The following FAAH variants were observed in gnomAD, a reference collection of about 807,000 sequenced individuals.
FAAH encodes fatty acid amide hydrolase.
In FAAH, 63 loss-of-function variants were observed where a neutral mutation model predicts 69.7. The ratio of observed to expected loss-of-function variants is 0.90; its 90% CI spans 0.74 to 1.12. FAAH has a LOEUF of 1.12. FAAH is among the 50% of genes most tolerant of loss of function. The probability of loss-of-function intolerance (pLI) is 0.00; values close to 1 mark genes in which losing one functional copy is unlikely to be tolerated. For missense variants in FAAH, 680 were observed against 755.0 expected (o/e 0.90, Z 1.16); for synonymous variants, 305 against 324.2 (o/e 0.94, Z 0.64).
intron 2 of FAAH, 81 bp downstream of exon 2, chr1:46,402,285 C>T: frequency 4.1e-6 from 5 of 1,213,856 alleles, no homozygotes; most frequent in Non-Finnish European, 5.9e-6. Context: ...CTCCCTCTGT[C>T]CGCACAGGCT....
Position 46,405,539 on chromosome 1 carries a change from G to A in FAAH, c.578+34G>A, listed in dbSNP as rs201289791. 2.8e-5 allele frequency: 45 copies of A among 1,612,966 alleles called. 1 individual carries two copies. The Middle Eastern group carries it at 2.5e-3, about 89-fold the overall frequency. ...TTGGGGTGGGGCGGGGCGGGGCAGG[G>A]GCACCGGTCCCAGCATGGCACGGGC... On this transcript the variant is annotated intron_variant, in intron 4 of 14. Transcript: ENST00000243167. The surrounding 1 kb of genome is among the most constrained non-coding windows in gnomAD (Gnocchi z 4.1).
At chr1:46,408,694 C>T (rs1003433046) in intron 8 of FAAH, 110 bp downstream of exon 8, 30 of 1,550,318 alleles carry the variant, frequency 1.9e-5, no homozygotes, top group Non-Finnish European at 2.6e-5. Context: ...ACGATGTTGT[C>T]GTCGGGGTGA....
At position 46,413,443 on chromosome 1, in the gene FAAH, A is replaced by G. The variant is rs1469375976; in HGVS notation, c.1612-4A>G. 1.1e-5 allele frequency: 18 copies of G among 1,613,930 alleles called. No individual in the cohort carries two copies. Among genetic ancestry groups the G allele is most frequent in the African/African-American group, 2.7e-5 (2 of 74,868 alleles). On this transcript the variant is annotated splice_region_variant and splice_polypyrimidine_tract_variant and intron_variant, in intron 14 of 14. Coordinates refer to ENST00000243167, the MANE Select transcript of FAAH (RefSeq NM_001441.3). ...CCCTATCCTGATGCCTGTATCCCCT[A>G]TAGGGCATGAAGAAGAGTGTGGGGC...
At chr1:46,407,069 T>G (rs1323731085) in intron 7 of FAAH, among the ~76,000 whole-genome samples, 5 of 151,706 alleles carry the variant, frequency 3.3e-5, no homozygotes, top group African/African-American at 7.2e-5. Flanking sequence ...CCCCAGCTCA[T>G]GTAGCCTGTT....
chr1:46,406,291 C>G lies in FAAH; in HGVS notation c.874C>G (p.Leu292Val), dbSNP rs199695123. 1.9e-6 allele frequency: 3 copies of G among 1,613,844 alleles called. No individual in the cohort carries two copies. The African/African-American group carries it at 4.0e-5, about 21-fold the overall frequency. ...PMARDVESLA[L>V]CLRALLCEDM... ...GGCCCGGGACGTGGAGAGCCTGGCA[C>G]TGTGCCTGCGAGCCCTGCTGTGTGA... Residue 292 changes from leucine (L) to valine (V), a missense_variant, in exon 7 of 15, where the codon CTG becomes GTG. Transcript: ENST00000243167.
At chr1:46,408,359 G>C (rs147161538) in intron 7 of FAAH, 100 bp from the exon 8 acceptor site, 10 of 1,537,708 alleles carry the variant, frequency 6.5e-6, no homozygotes, top group Middle Eastern at 1.7e-4. Context: ...CTGCAGCCTC[G>C]CAGCTGTGTC....
intron 1 of FAAH, among the ~76,000 whole-genome samples, chr1:46,398,134 C>T (rs1031770876): frequency 6.6e-6 from 1 of 152,088 alleles, no homozygotes; most frequent in Non-Finnish European, 1.5e-5. Flanking sequence ...GGGATTTCAC[C>T]ATCTTGGCCA....
In FAAH at chr1:46,413,158, G is replaced by A; in HGVS notation, c.1549G>A (p.Glu517Lys). 5 of 1,614,156 alleles carry A rather than the reference G, an allele frequency of 3.1e-6. No homozygotes were observed. The highest frequency in any genetic ancestry group is 4.2e-6 in the Non-Finnish European group (5 of 1,180,018). ...VPVTTVTAEDEAQMEHYRGYF... is the reference protein window; with the variant it reads ...VPVTTVTAEDKAQMEHYRGYF... ...TGTCACCACGGTGACTGCTGAGGAC[G>A]AGGCCCAGATGGAACATTACAGGGG... The change falls in exon 14 of 15, where the codon GAG becomes AAG. Residue 517 changes from glutamate (E) to lysine (K), a missense_variant. Coordinates refer to ENST00000243167, the MANE Select transcript of FAAH (RefSeq NM_001441.3).
Position 46,402,173 on chromosome 1 carries a change from C to T in FAAH, c.278C>T (p.Pro93Leu), listed in dbSNP as rs1282211154. ...AAGTTACACAGTAGAGAGCTGGCCC[C>T]TGAGGCCGTGCTCTTCACCTATGTG... is the stretch of plus-strand genomic sequence containing the variant. ...VQKLHSRELA[P>L]EAVLFTYVGK... is the part of the protein sequence containing the mutation. Residue 93 changes from proline (P) to leucine (L), a missense_variant, in exon 2 of 15, where the codon CCT becomes CTT. Coordinates refer to ENST00000243167, the MANE Select transcript of FAAH (RefSeq NM_001441.3). 1 of 1,606,892 alleles carries T rather than the reference C, an allele frequency of 6.2e-7. No individual in the cohort carries two copies. Among genetic ancestry groups the T allele is most frequent in the South Asian group, 1.1e-5 (1 of 89,630 alleles).
In FAAH at chr1:46,413,133, TGTCACCACG is replaced by T; in HGVS notation, c.1527_1535del (p.Thr511_Thr513del). On this transcript the variant is annotated inframe_deletion, in exon 14 of 15. Coordinates refer to ENST00000243167, the MANE Select transcript of FAAH (RefSeq NM_001441.3). ...TGGACTTCCCTGCAGGGGTGGTGCC[TGTCACCACG>T]GTGACTGCTGAGGACGAGGCCCAGA... 1 of 1,614,166 alleles carries T rather than the reference TGTCACCACG, an allele frequency of 6.2e-7. No homozygotes were observed. The highest frequency in any genetic ancestry group is 1.7e-5 in the Admixed American group (1 of 60,030).
Position 46,411,794 on chromosome 1 carries a change from C to T in FAAH, c.1356+143C>T. 1.1e-6 allele frequency: 1 copy of T among 902,094 alleles called. No individual in the cohort carries two copies. The highest frequency in any genetic ancestry group is 1.7e-6 in the Non-Finnish European group (1 of 573,402). The allele number at this position is 902,094 out of a possible 1,614,324, so 55.9% of individuals were successfully genotyped here. ...CATCCCCCTTCCACTCCCTGGACCACCACTTGGGCCCAGCTCTCTGACCCT... is the reference window on the plus strand; with the variant it reads ...CATCCCCCTTCCACTCCCTGGACCATCACTTGGGCCCAGCTCTCTGACCCT... On this transcript the variant is annotated intron_variant, in intron 12 of 14. Transcript: ENST00000243167. This position sits in a 1 kb window ranked among gnomAD's most constrained non-coding sequence, Gnocchi z 4.8.
At position 46,405,428 on chromosome 1, in the gene FAAH, C is replaced by T; in HGVS notation, c.501C>T (p.Asp167=). 6.2e-7 allele frequency: 1 copy of T among 1,613,018 alleles called. No individual in the cohort carries two copies. The highest frequency in any genetic ancestry group is 8.5e-7 in the Non-Finnish European group (1 of 1,179,994). ...ATGAAGGGGTGCCGGCGGAGTGCGACAGCGTAGTGGTGCATGTGCTGAAGC... is the reference window on the plus strand; with the variant it reads ...ATGAAGGGGTGCCGGCGGAGTGCGATAGCGTAGTGGTGCATGTGCTGAAGC... ...SLNEGVPAEC[D]SVVVHVLKLQ... Residue 167 remains aspartate (D), a synonymous_variant, in exon 4 of 15, where the codon GAC becomes GAT. Coordinates refer to ENST00000243167, the MANE Select transcript of FAAH (RefSeq NM_001441.3). The surrounding 1 kb of genome is among the most constrained non-coding windows in gnomAD (Gnocchi z 4.1).
At chr1:46,408,397 A>G in intron 7 of FAAH, 62 bp from the exon 8 acceptor site, 1 of 1,611,886 alleles carries the variant, frequency 6.2e-7, no homozygotes, top group South Asian at 1.1e-5. Flanking sequence ...TCTGATCTCT[A>G]GGGGTCCTGC....
At chr1:46,406,212 C>T in intron 6 of FAAH, 32 bp from the exon 7 acceptor site, 2 of 1,614,046 alleles carry the variant, frequency 1.2e-6, no homozygotes, top group Non-Finnish European at 8.5e-7. Flanking sequence ...CGCTCCTTGT[C>T]TGCTTACCTC....
At chr1:46,398,539 C>CTTTTT (rs549332217) in intron 1 of FAAH, among the ~76,000 whole-genome samples, 2,337 of 144,816 alleles carry the variant, frequency 0.016, 47 homozygotes, top group African/African-American at 0.038. Flanking sequence ...AACCAAGATT[C>CTTTTT]TTTTTTTTTT....
chr1:46,406,654 C>T lies in FAAH; in HGVS notation c.951+286C>T, dbSNP rs144284371. Among the ~76,000 whole-genome samples the T allele has an allele frequency of 5.1e-3, 752 of 146,570 alleles. 8 individuals carry two copies. The highest frequency in any genetic ancestry group is 0.017 in the African/African-American group (652 of 39,494). On this transcript the variant is annotated intron_variant, in intron 7 of 14. Coordinates refer to ENST00000243167, the MANE Select transcript of FAAH (RefSeq NM_001441.3). ...CTGGAGTGCAGTGGCGCGATCTCGG[C>T]TCACTGCAAGCTCCGCCTCCCGGGT...
intron 1 of FAAH, among the ~76,000 whole-genome samples, chr1:46,397,357 G>A (rs1016432178): frequency 6.6e-6 from 1 of 152,214 alleles, no homozygotes; most frequent in Non-Finnish European, 1.5e-5. Context: ...TGGAGCAACT[G>A]CTCTTCATTA....
Position 46,408,536 on chromosome 1 carries a change from G to A in FAAH, c.1029G>A (p.Arg343=). 1 of 1,614,208 alleles carries A rather than the reference G, an allele frequency of 6.2e-7. No homozygotes were observed. The highest frequency in any genetic ancestry group is 8.5e-7 in the Non-Finnish European group (1 of 1,180,032). The change falls in exon 8 of 15, where the codon AGG becomes AGA. Residue 343 remains arginine, a synonymous_variant. Transcript: ENST00000243167. ...DNYTMPSPAM[R]RAVLETKQSL... is the part of the protein sequence containing the mutation. ...ATACCATGCCCTCCCCGGCCATGAG[G>A]CGGGCCGTGCTGGAGACCAAACAGA... is the stretch of plus-strand genomic sequence containing the variant.
chr1:46,400,097 T>C (rs1359611053), intron 1 of FAAH, among the ~76,000 whole-genome samples: 1 of 151,926 alleles, frequency 6.6e-6, no homozygotes, highest in African/African-American at 2.4e-5. Flanking sequence ...GTTCAATGAA[T>C]TCAGGGAAGT....
Sources: allele counts gnomAD v4.1 joint callset (sites outside exome capture counted in the v4.1 genomes callset), GRCh38; gene constraint gnomAD v4.1.1; non-coding constraint Gnocchi (gnomAD v3.1); transcripts MANE v1.5; gene names NCBI Gene and HGNC (gene_info 2026-07-23, HGNC 2026-07-21).